PRKAG2: variants seen among roughly 807,000 people sequenced by gnomAD.
The protein encoded by PRKAG2 is protein kinase AMP-activated non-catalytic subunit gamma 2.
In PRKAG2, 26 loss-of-function variants were observed where a neutral mutation model predicts 69.6. That is an observed-to-expected ratio of 0.37 (90% CI 0.27 to 0.52). The LOEUF (loss-of-function observed/expected upper bound fraction) is 0.52, where lower values mean the gene tolerates loss of function less well. Among genes scored for constraint, PRKAG2 ranks in the 20% least tolerant of loss-of-function variants. PRKAG2 has a pLI of 0.90. For missense variants in PRKAG2, 557 were observed against 740.0 expected (o/e 0.75, Z 2.87); for synonymous variants, 293 against 285.0 (o/e 1.03, Z -0.28).
chr7:151,704,285 A>C (rs941069042), intron 3 of PRKAG2, among the ~76,000 whole-genome samples: 2 of 152,312 alleles, frequency 1.3e-5, no homozygotes, highest in Admixed American at 1.3e-4. Flanking sequence ...TGTGCTATCA[A>C]ATAGTAGGTC....
At chr7:151,579,977 A>C (rs1809948067) in intron 6 of PRKAG2, among the ~76,000 whole-genome samples, 3 of 152,238 alleles carry the variant, frequency 2.0e-5, no homozygotes, top group Admixed American at 2.0e-4. Flanking sequence ...ATCCTTCAAA[A>C]AGGATTGGCA....
chr7:151,845,463 C>T (rs1442669421), intron 1 of PRKAG2, among the ~76,000 whole-genome samples: 2 of 5,266 alleles, frequency 3.8e-4, no homozygotes, highest in East Asian at 6.2e-3. Flanking sequence ...GAAAACTCGG[C>T]GGTGGGGCCC....
intron 1 of PRKAG2, among the ~76,000 whole-genome samples, chr7:151,811,163 A>C (rs2078400027): frequency 6.6e-6 from 1 of 152,094 alleles, no homozygotes; most frequent in South Asian, 2.1e-4. Flanking sequence ...TCCATCAAAA[A>C]CTCAGTTGCT....
intron 3 of PRKAG2, among the ~76,000 whole-genome samples, chr7:151,722,468 C>T (rs192498862): frequency 3.3e-5 from 5 of 152,278 alleles, no homozygotes; most frequent in Admixed American, 6.5e-5. Flanking sequence ...AAACTTCCAG[C>T]GAAAGGACTA....
intron 3 of PRKAG2, among the ~76,000 whole-genome samples, chr7:151,760,458 T>G (rs2075347657): frequency 6.6e-6 from 1 of 152,172 alleles, no homozygotes; most frequent in Admixed American, 6.5e-5. Context: ...GGTCTCGAAC[T>G]CATTATCTCA....
At chr7:151,564,049 G>C in intron 14 of PRKAG2, 29 bp downstream of exon 14, 3 of 1,613,686 alleles carry the variant, frequency 1.9e-6, no homozygotes, top group Non-Finnish European at 2.5e-6. Flanking sequence ...GTGGACGTCG[G>C]GGGAGCAGGA....
chr7:151,847,601 T>G (rs2079464795), intron 1 of PRKAG2, among the ~76,000 whole-genome samples: 1 of 152,216 alleles, frequency 6.6e-6, no homozygotes, highest in African/African-American at 2.4e-5. Context: ...GCTCATCTTC[T>G]GAAGGCTCAG....
At chr7:151,725,456 T>C (rs1162623126) in intron 3 of PRKAG2, among the ~76,000 whole-genome samples, 1 of 151,640 alleles carries the variant, frequency 6.6e-6, no homozygotes, top group Non-Finnish European at 1.5e-5. Flanking sequence ...CGGAGATGGA[T>C]GGCTGGCTGC....
intron 8 of PRKAG2, among the ~76,000 whole-genome samples, chr7:151,573,351 T>G (rs1351607784): frequency 7.3e-6 from 1 of 137,046 alleles, no homozygotes; most frequent in Non-Finnish European, 1.6e-5. Flanking sequence ...TTTTTTTTTT[T>G]TTTTTTTTTT....
Position 151,560,626 on chromosome 7 carries a change from A to G in PRKAG2, c.1585-9T>C. 1 of 1,614,038 alleles carries G rather than the reference A, an allele frequency of 6.2e-7. No homozygotes were observed. The highest frequency in any genetic ancestry group is 1.1e-5 in the South Asian group (1 of 91,080). On this transcript the variant is annotated splice_polypyrimidine_tract_variant and intron_variant, in intron 14 of 15. Coordinates refer to ENST00000287878, the MANE Select transcript of PRKAG2 (RefSeq NM_016203.4). ...ACCACCAGCCGATGGACCTGCAAAG[A>G]GAAAAGCAGGACACGTGAAAATTAA...
intron 4 of PRKAG2, among the ~76,000 whole-genome samples, chr7:151,668,096 G>A (rs1029921318): frequency 6.6e-6 from 1 of 152,222 alleles, no homozygotes; most frequent in African/African-American, 2.4e-5. Context: ...ATGGGGGCAG[G>A]TCCCTCATGA....
At chr7:151,565,418 T>G in intron 12 of PRKAG2, 35 bp from the exon 13 acceptor site, 2 of 1,282,192 alleles carry the variant, frequency 1.6e-6, no homozygotes, top group Non-Finnish European at 2.2e-6. Context: ...AAAAATGTCT[T>G]AAGGGACAAA....
intron 3 of PRKAG2, among the ~76,000 whole-genome samples, chr7:151,724,710 C>A (rs575378276): frequency 1.3e-5 from 2 of 152,314 alleles, no homozygotes; most frequent in South Asian, 4.2e-4. Flanking sequence ...CACTCCCTAG[C>A]CGGAGCAGCC....
intron 5 of PRKAG2, among the ~76,000 whole-genome samples, chr7:151,598,697 A>T (rs1815243903): frequency 6.6e-6 from 1 of 152,238 alleles, no homozygotes; most frequent in African/African-American, 2.4e-5. Context: ...ATTTAAAAAA[A>T]TTTTAAAGGT....
chr7:151,813,964 A>G (rs956856134), intron 1 of PRKAG2, among the ~76,000 whole-genome samples: 5 of 152,202 alleles, frequency 3.3e-5, no homozygotes, highest in African/African-American at 1.2e-4. Flanking sequence ...ATGACTCAGG[A>G]AGGGCAAGGC....
At chr7:151,843,141 A>C (rs923066337) in intron 1 of PRKAG2, among the ~76,000 whole-genome samples, 8 of 152,126 alleles carry the variant, frequency 5.3e-5, no homozygotes, top group African/African-American at 1.9e-4. Flanking sequence ...TATGTGTTCC[A>C]AGCCCCAGTG....
At position 151,624,545 on chromosome 7, in the gene PRKAG2, T is replaced by A. The variant is rs149162605; in HGVS notation, c.754+7524A>T. Among the ~76,000 whole-genome samples, 549 of 152,250 alleles carry A rather than the reference T, an allele frequency of 3.6e-3. 3 individuals carry two copies. Among genetic ancestry groups the A allele is most frequent in the African/African-American group, 0.013 (527 of 41,562 alleles). On this transcript the variant is annotated intron_variant, in intron 5 of 15. Coordinates refer to ENST00000287878, the MANE Select transcript of PRKAG2 (RefSeq NM_016203.4). The stretch of plus-strand genomic sequence containing the variant: ...CCCCAAAATCGCTCTTCCCTTTTCA[T>A]ATCAGAGATGAACCTGGCTCTGTTC...
At chr7:151,692,728 T>G (rs1237830710) in intron 3 of PRKAG2, among the ~76,000 whole-genome samples, 1 of 152,132 alleles carries the variant, frequency 6.6e-6, no homozygotes, top group Non-Finnish European at 1.5e-5. Context: ...AGGGCTCGGA[T>G]GGAGACGCCT....
chr7:151,673,160 G>T (rs760050559), intron 4 of PRKAG2, among the ~76,000 whole-genome samples: 8 of 152,164 alleles, frequency 5.3e-5, no homozygotes, highest in Non-Finnish European at 1.0e-4. Context: ...TCAAACATCA[G>T]GGACTCGTGG....
Sources: gnomAD v4.1 joint callset for allele counts (sites outside exome capture counted in the v4.1 genomes callset) on GRCh38, gnomAD v4.1.1 for gene constraint, MANE v1.5 for transcripts, NCBI Gene and HGNC (gene_info 2026-07-23, HGNC 2026-07-21) for gene names.